SKAP1: variants seen among roughly 807,000 people sequenced by gnomAD.
SKAP1 encodes the protein src kinase-associated phosphoprotein 1.
Under a neutral mutation model 58.5 loss-of-function variants are expected in SKAP1, and 44 were observed. The ratio of observed to expected loss-of-function variants is 0.75; its 90% CI spans 0.59 to 0.97. The LOEUF is 0.97. SKAP1 is among the 50% of genes least tolerant of loss of function. The pLI is 0.00. For synonymous variants in SKAP1, 127 were observed against 149.7 expected (o/e 0.85, Z 1.11); for missense variants, 390 against 435.2 (o/e 0.90, Z 0.92).
chr17:48,381,199 C>G (rs1294460246), intron 2 of SKAP1, among the ~76,000 whole-genome samples: 1 of 152,232 alleles, frequency 6.6e-6, no homozygotes, highest in Admixed American at 6.5e-5. Flanking sequence ...AGCATCCCTC[C>G]TCAGCTTACC....
intron 4 of SKAP1, among the ~76,000 whole-genome samples, chr17:48,270,695 A>AAT (rs1269716645): frequency 6.6e-6 from 1 of 152,058 alleles, no homozygotes; most frequent in Non-Finnish European, 1.5e-5. Context: ...GTAAGTCTTT[A>AAT]ATGCTGTTTT....
At chr17:48,405,786 C>T (rs2067574699) in intron 1 of SKAP1, among the ~76,000 whole-genome samples, 1 of 151,718 alleles carries the variant, frequency 6.6e-6, no homozygotes, top group Non-Finnish European at 1.5e-5. Flanking sequence ...GTGTGAGCCA[C>T]CGTGCCTGGC....
intron 3 of SKAP1, among the ~76,000 whole-genome samples, 162 bp downstream of exon 3, chr17:48,363,627 C>T (rs531637116): frequency 2.6e-5 from 4 of 152,298 alleles, no homozygotes; most frequent in African/African-American, 9.6e-5. Context: ...AAAAGCAGGG[C>T]AGGGGAGCGC....
intron 4 of SKAP1, among the ~76,000 whole-genome samples, chr17:48,329,542 T>TA (rs2066478597): frequency 6.6e-6 from 1 of 151,868 alleles, no homozygotes; most frequent in Non-Finnish European, 1.5e-5. Flanking sequence ...CTGTCTCTAC[T>TA]AAAAAAATAC....
At chr17:48,286,689 C>T (rs544017808) in intron 4 of SKAP1, among the ~76,000 whole-genome samples, 18 of 152,320 alleles carry the variant, frequency 1.2e-4, no homozygotes, top group Non-Finnish European at 7.4e-5. Flanking sequence ...CCATAACAAA[C>T]ACACACACAC....
intron 4 of SKAP1, among the ~76,000 whole-genome samples, chr17:48,309,261 T>G (rs2066189493): frequency 6.6e-6 from 1 of 150,812 alleles, no homozygotes; most frequent in Non-Finnish European, 1.5e-5. Flanking sequence ...GTAAATATTT[T>G]CATGTTACTT....
intron 4 of SKAP1, among the ~76,000 whole-genome samples, chr17:48,283,415 A>G (rs1282442677): frequency 6.6e-6 from 1 of 152,236 alleles, no homozygotes; most frequent in African/African-American, 2.4e-5. Context: ...GCATGGGTTC[A>G]AATCACAGTT....
At chr17:48,264,726 C>T (rs1019366624) in intron 4 of SKAP1, among the ~76,000 whole-genome samples, 2 of 147,070 alleles carry the variant, frequency 1.4e-5, no homozygotes, top group Non-Finnish European at 3.0e-5. Context: ...CTTAAACTTA[C>T]ATTTAATCAA....
chr17:48,140,330 C>T (rs2063753451), intron 11 of SKAP1, among the ~76,000 whole-genome samples: 1 of 152,176 alleles, frequency 6.6e-6, no homozygotes, highest in African/African-American at 2.4e-5. Context: ...GATAATTATA[C>T]TCTCCTGGTT....
intron 4 of SKAP1, among the ~76,000 whole-genome samples, chr17:48,249,877 G>A (rs964150861): frequency 6.6e-6 from 1 of 151,928 alleles, no homozygotes; most frequent in African/African-American, 2.4e-5. Context: ...AGACCTAACA[G>A]CACTGATAGG....
intron 4 of SKAP1, among the ~76,000 whole-genome samples, chr17:48,287,707 G>A (rs1344620840): frequency 6.6e-6 from 1 of 152,168 alleles, no homozygotes; most frequent in East Asian, 1.9e-4. Context: ...TTATCAGTTA[G>A]TTAAATGCTG....
At chr17:48,261,936 C>T (rs1354496470) in intron 4 of SKAP1, among the ~76,000 whole-genome samples, 5 of 152,200 alleles carry the variant, frequency 3.3e-5, no homozygotes, top group Admixed American at 3.3e-4. Flanking sequence ...GGATCAATTT[C>T]ATTCTTCTCC....
chr17:48,371,165 A>G (rs1231159421), intron 2 of SKAP1, among the ~76,000 whole-genome samples: 2 of 152,176 alleles, frequency 1.3e-5, no homozygotes, highest in Non-Finnish European at 2.9e-5. Flanking sequence ...GAGTTGAAAA[A>G]TTATTGGGTA....
intron 4 of SKAP1, among the ~76,000 whole-genome samples, chr17:48,299,000 G>A (rs1331503851): frequency 6.6e-6 from 1 of 152,134 alleles, no homozygotes; most frequent in East Asian, 1.9e-4. Flanking sequence ...TGTGTATGGA[G>A]AATATCAGGG....
At chr17:48,421,646 T>G (rs909476799) in intron 1 of SKAP1, among the ~76,000 whole-genome samples, 1 of 152,148 alleles carries the variant, frequency 6.6e-6, no homozygotes, top group Admixed American at 6.5e-5. Flanking sequence ...AACACTTATC[T>G]TTCCTGATAT....
At chr17:48,237,859 A>G (rs1422620964) in intron 4 of SKAP1, among the ~76,000 whole-genome samples, 1 of 151,782 alleles carries the variant, frequency 6.6e-6, no homozygotes, top group African/African-American at 2.4e-5. Context: ...AATTCCTAAG[A>G]TTTTGTATAC....
Position 48,394,248 on chromosome 17 carries a change from A to C in SKAP1, c.152+2432T>G, listed in dbSNP as rs139209230. On this transcript the variant is annotated intron_variant, in intron 2 of 12. Transcript: ENST00000336915. ...AAAAAGCGAAAAACAAACAAACAAAAAAATGACTAAAAAGAAACCCTTTTA... is the reference window on the plus strand; with the variant it reads ...AAAAAGCGAAAAACAAACAAACAAACAAATGACTAAAAAGAAACCCTTTTA... 3.3e-5 allele frequency among the ~76,000 whole-genome samples: 5 copies of C among 152,292 alleles called. No homozygotes were observed. The East Asian group carries it at 5.8e-4, about 18-fold the overall frequency.
chr17:48,413,543 T>TATATATATATATATATATATATATATA (rs1567905650), intron 1 of SKAP1, among the ~76,000 whole-genome samples: 18 of 117,680 alleles, frequency 1.5e-4, no homozygotes, highest in African/African-American at 2.9e-4. Context: ...TATATATATA[T>TATATATATATATATATATATATATATA]TTGCTCTTCA....
At chr17:48,193,649 G>T (rs944806676) in intron 4 of SKAP1, 1 of 977,696 alleles carries the variant, frequency 1.0e-6, no homozygotes, top group Non-Finnish European at 1.2e-6. Context: ...GGCATGCAAG[G>T]TACCTCCTCT....
Sources: gnomAD v4.1 joint callset for allele counts (sites outside exome capture counted in the v4.1 genomes callset) on GRCh38, gnomAD v4.1.1 for gene constraint, MANE v1.5 for transcripts, NCBI Gene and HGNC (gene_info 2026-07-23, HGNC 2026-07-21) for gene names.